Variants in MYRFL observed in about 807,000 individuals in gnomAD.
The protein encoded by MYRFL is myelin regulatory factor like.
A neutral mutation model predicts 109.4 loss-of-function variants in MYRFL; 88 were observed. The ratio of observed to expected loss-of-function variants is 0.80; its 90% CI spans 0.68 to 0.96. The LOEUF (loss-of-function observed/expected upper bound fraction) is 0.96. Ranked by LOEUF, MYRFL falls within the 40% of genes least tolerant of loss-of-function variation. The probability of loss-of-function intolerance (pLI) is 0.00; values close to 1 mark genes in which losing one functional copy is unlikely to be tolerated. For synonymous variants in MYRFL, 324 were observed against 320.9 expected (o/e 1.01, Z -0.10); for missense variants, 957 against 954.9 (o/e 1.00, Z -0.03).
At chr12:69,846,176 TTTTG>T (rs1370070157) in intron 1 of MYRFL, among the ~76,000 whole-genome samples, 26 of 151,024 alleles carry the variant, frequency 1.7e-4, no homozygotes, top group Non-Finnish European at 3.4e-4. Flanking sequence ...TCTCATTCTT[TTTTG>T]TTTGTTTGTT....
chr12:69,879,483 A>G lies in MYRFL; in HGVS notation c.464+30A>G, dbSNP rs777522056. 4.4e-6 allele frequency: 3 copies of G among 681,352 alleles called. No individual in the cohort carries two copies. In the African/African-American group the frequency reaches 5.3e-5, roughly 12 times the overall value. The allele number at this position is 681,352 out of a possible 1,614,324, so 42.2% of individuals were successfully genotyped here. Reference sequence around the variant, plus strand: ...AGAAAAAGATATTTAGTTATCAAAGACCTTTGCGGAAAGCCTCGGAGCAGC... The same window carrying G: ...AGAAAAAGATATTTAGTTATCAAAGGCCTTTGCGGAAAGCCTCGGAGCAGC... On this transcript the variant is annotated intron_variant, in intron 4 of 24. Transcript: ENST00000552032.
intron 1 of MYRFL, among the ~76,000 whole-genome samples, chr12:69,832,166 A>G (rs1342799102): frequency 1.3e-5 from 2 of 152,204 alleles, no homozygotes; most frequent in Non-Finnish European, 2.9e-5. Context: ...TTATATAGCA[A>G]GCAGTTTCAG....
intron 19 of MYRFL, among the ~76,000 whole-genome samples, chr12:69,945,780 G>A (rs1322345616): frequency 1.3e-5 from 2 of 151,488 alleles, no homozygotes; most frequent in African/African-American, 4.9e-5. Context: ...GAGGTCAGGA[G>A]ATCGAGACCA....
chr12:69,901,615 T>C (rs539263673), intron 10 of MYRFL, among the ~76,000 whole-genome samples: 1 of 152,342 alleles, frequency 6.6e-6, no homozygotes, highest in East Asian at 1.9e-4. Flanking sequence ...ACTGTCTTAT[T>C]TTGTTTCCTT....
At chr12:69,868,235 T>G (rs930331813) in intron 2 of MYRFL, among the ~76,000 whole-genome samples, 3 of 151,840 alleles carry the variant, frequency 2.0e-5, no homozygotes, top group Non-Finnish European at 4.4e-5. Flanking sequence ...GCCTCCCGAG[T>G]AGCTGGGACT....
At chr12:69,880,349 C>T (rs1366402769) in intron 5 of MYRFL, 57 bp downstream of exon 5, 1 of 683,140 alleles carries the variant, frequency 1.5e-6, no homozygotes, top group East Asian at 2.7e-5. Flanking sequence ...GGCATTAAAG[C>T]AAGGCTTTTT....
At chr12:69,931,390 C>T (rs145835278) in intron 15 of MYRFL, among the ~76,000 whole-genome samples, 1 of 152,292 alleles carries the variant, frequency 6.6e-6, no homozygotes, top group Non-Finnish European at 1.5e-5. Flanking sequence ...CAGCTTCCAG[C>T]TGTACTTACA....
At chr12:69,882,562 T>C (rs961047355) in intron 5 of MYRFL, among the ~76,000 whole-genome samples, 25 of 152,142 alleles carry the variant, frequency 1.6e-4, no homozygotes, top group Admixed American at 6.5e-4. Flanking sequence ...AATAAAACTT[T>C]TCTAGTGACC....
chr12:69,957,105 A>G (rs1956115274), intron 22 of MYRFL, among the ~76,000 whole-genome samples: 1 of 152,224 alleles, frequency 6.6e-6, no homozygotes, highest in Non-Finnish European at 1.5e-5. Context: ...CCCAAAGACA[A>G]ATAGATCTCA....
At chr12:69,846,256 G>A (rs1310893521) in intron 1 of MYRFL, among the ~76,000 whole-genome samples, 1 of 151,098 alleles carries the variant, frequency 6.6e-6, no homozygotes, top group Non-Finnish European at 1.5e-5. Flanking sequence ...AGTTACATAG[G>A]TATACATGTG....
chr12:69,926,976 C>CTGTT (rs1955115929), intron 14 of MYRFL, among the ~76,000 whole-genome samples: 1 of 58,950 alleles, frequency 1.7e-5, no homozygotes, highest in African/African-American at 6.4e-5. Flanking sequence ...CTGAGTTTTG[C>CTGTT]TGTTGTTGTC....
intron 2 of MYRFL, among the ~76,000 whole-genome samples, chr12:69,878,344 C>T (rs1273506633): frequency 1.3e-5 from 2 of 151,894 alleles, no homozygotes; most frequent in Non-Finnish European, 1.5e-5. Flanking sequence ...AACCCCTGAA[C>T]TCCTTTTAAG....
At chr12:69,836,825 A>C (rs1882971748) in intron 1 of MYRFL, among the ~76,000 whole-genome samples, 1 of 152,114 alleles carries the variant, frequency 6.6e-6, no homozygotes, top group South Asian at 2.1e-4. Context: ...AATGCTCAGG[A>C]CCTGTCCTCC....
At chr12:69,846,438 T>C (rs1883552307) in intron 1 of MYRFL, among the ~76,000 whole-genome samples, 1 of 151,286 alleles carries the variant, frequency 6.6e-6, no homozygotes, top group African/African-American at 2.4e-5. Flanking sequence ...GAATATGCAG[T>C]ATGCAGTGTT....
intron 1 of MYRFL, among the ~76,000 whole-genome samples, chr12:69,853,820 AG>A (rs1884079764): frequency 6.6e-6 from 1 of 150,972 alleles, no homozygotes. Flanking sequence ...CTCACTTCCC[AG>A]ACGGGATCGC....
intron 1 of MYRFL, among the ~76,000 whole-genome samples, chr12:69,843,724 A>G (rs1161336511): frequency 6.6e-6 from 1 of 152,238 alleles, no homozygotes; most frequent in African/African-American, 2.4e-5. Context: ...GGCCAAGAGC[A>G]GCAGTACATG....
intron 1 of MYRFL, among the ~76,000 whole-genome samples, chr12:69,852,640 G>C (rs1368916929): frequency 1.4e-5 from 2 of 147,594 alleles, no homozygotes; most frequent in Non-Finnish European, 3.0e-5. Flanking sequence ...CACAGAGGGG[G>C]ATTTGGCAGG....
intron 1 of MYRFL, among the ~76,000 whole-genome samples, chr12:69,835,507 T>G (rs1008035283): frequency 3.9e-5 from 6 of 152,256 alleles, no homozygotes; most frequent in African/African-American, 1.4e-4. Flanking sequence ...CATAGCTATT[T>G]TTTTATTCAT....
At chr12:69,835,502 C>CT (rs1243540628) in intron 1 of MYRFL, among the ~76,000 whole-genome samples, 2 of 152,176 alleles carry the variant, frequency 1.3e-5, no homozygotes, top group African/African-American at 4.8e-5. Flanking sequence ...ATTTGCATAG[C>CT]TATTTTTTTA....
Sources: allele counts gnomAD v4.1 joint callset (sites outside exome capture counted in the v4.1 genomes callset), GRCh38; gene constraint gnomAD v4.1.1; transcripts MANE v1.5; gene names NCBI Gene and HGNC (gene_info 2026-07-23, HGNC 2026-07-21).